The following BRINP3 variants were observed in gnomAD, a reference collection of about 807,000 sequenced individuals.
BRINP3 encodes BMP/retinoic acid inducible neural specific 3.
A neutral mutation model predicts 71.0 loss-of-function variants in BRINP3; 19 were observed. The observed-to-expected ratio is 0.27, with a 90% CI of 0.19 to 0.39. The LOEUF (loss-of-function observed/expected upper bound fraction) is 0.39. Among genes scored for constraint, BRINP3 ranks in the 10% least tolerant of loss-of-function variants. The probability of loss-of-function intolerance (pLI) is 1.00; values close to 1 mark genes in which losing one functional copy is unlikely to be tolerated. For synonymous variants in BRINP3, 380 were observed against 337.7 expected (o/e 1.13, Z -1.37); for missense variants, 959 against 940.8 (o/e 1.02, Z -0.25).
chr1:190,461,125 A>G (rs1027405135), intron 1 of BRINP3, among the ~76,000 whole-genome samples: 3 of 152,306 alleles, frequency 2.0e-5, no homozygotes, highest in Admixed American at 6.5e-5. Flanking sequence ...GTTTCAGGAT[A>G]TCTGATCTCT....
rs563694716 is a variant in BRINP3, at chr1:190,330,555, T to C, written c.237-48805A>G. ...TAGGAATGTACATTAGTTTAGCCAC[T>C]GTGGAAAGCAGTTTGGATAGTTCTC... On this transcript the variant is annotated intron_variant, in intron 2 of 7. Coordinates refer to ENST00000367462, the MANE Select transcript of BRINP3 (RefSeq NM_199051.3). Among the ~76,000 whole-genome samples the C allele has an allele frequency of 2.6e-5, 4 of 152,192 alleles. No homozygotes were observed. In the East Asian group the frequency reaches 7.7e-4, roughly 29 times the overall value.
At chr1:190,278,475 A>C (rs1470355932) in intron 3 of BRINP3, among the ~76,000 whole-genome samples, 1 of 151,724 alleles carries the variant, frequency 6.6e-6, no homozygotes, top group African/African-American at 2.4e-5. Flanking sequence ...GTGTAAGTAC[A>C]ATAGCAATAA....
chr1:190,430,972 A>G (rs1382399721), intron 2 of BRINP3, among the ~76,000 whole-genome samples: 2 of 151,840 alleles, frequency 1.3e-5, no homozygotes, highest in Non-Finnish European at 2.9e-5. Flanking sequence ...TTTTTTACTC[A>G]TCAAGCTTAT....
chr1:190,176,356 A>G (rs1397178392), intron 6 of BRINP3, among the ~76,000 whole-genome samples: 1 of 152,160 alleles, frequency 6.6e-6, no homozygotes, highest in Non-Finnish European at 1.5e-5. Context: ...ACAAAGTTTA[A>G]AAGATGAGTT....
At chr1:190,181,513 G>A (rs1653028376) in intron 6 of BRINP3, among the ~76,000 whole-genome samples, 1 of 151,610 alleles carries the variant, frequency 6.6e-6, no homozygotes, top group African/African-American at 2.4e-5. Context: ...AATTTTACTT[G>A]ATTTACCTGT....
chr1:190,438,608 A>G (rs1272329454), intron 2 of BRINP3, among the ~76,000 whole-genome samples: 2 of 151,892 alleles, frequency 1.3e-5, no homozygotes, highest in Admixed American at 1.3e-4. Context: ...AAGCCACTGG[A>G]TAATTTTCAC....
chr1:190,115,270 A>T (rs2102296909), intron 7 of BRINP3, among the ~76,000 whole-genome samples: 1 of 152,242 alleles, frequency 6.6e-6, no homozygotes, highest in South Asian at 2.1e-4. Context: ...ATTTTCTTAG[A>T]TATACTAAAA....
intron 6 of BRINP3, among the ~76,000 whole-genome samples, chr1:190,173,278 G>A (rs150435687): frequency 1.3e-5 from 2 of 152,180 alleles, no homozygotes; most frequent in African/African-American, 4.8e-5. Context: ...CAACCATCTG[G>A]CCAATGAGAC....
Position 190,477,600 on chromosome 1 carries a change from G to GT in BRINP3, c.-204dup, listed in dbSNP as rs1677578321. On this transcript the variant is annotated 5_prime_UTR_variant, in exon 1 of 8. Coordinates refer to ENST00000367462, the MANE Select transcript of BRINP3 (RefSeq NM_199051.3). ...GCAGTTCCTGGTGGCATGTAACCAA[G>GT]TAAAAACCAGTTACACAGAGAGCCA... 6.6e-6 allele frequency: 1 copy of GT among 151,834 alleles called. No homozygotes were observed. The highest frequency in any genetic ancestry group is 6.6e-5 in the Admixed American group (1 of 15,238). 9.4% of individuals were successfully genotyped at this position (151,834 alleles called of 1,614,324 possible). A position where few individuals can be genotyped will look rare whatever the true frequency, so the allele number is the denominator to read the frequency against.
intron 2 of BRINP3, among the ~76,000 whole-genome samples, chr1:190,398,402 C>T (rs1199696819): frequency 6.6e-6 from 1 of 151,782 alleles, no homozygotes. Flanking sequence ...ATGTAAAATT[C>T]TGAATAACAA....
intron 2 of BRINP3, among the ~76,000 whole-genome samples, chr1:190,403,216 C>G (rs1295589887): frequency 6.6e-6 from 1 of 152,064 alleles, no homozygotes. Context: ...ATTGTATTTG[C>G]CTAGAGACAT....
chr1:190,315,231 G>C (rs1665802673), intron 2 of BRINP3, among the ~76,000 whole-genome samples: 1 of 152,086 alleles, frequency 6.6e-6, no homozygotes. Flanking sequence ...CTGAATTTAA[G>C]ATTAGATGCC....
At chr1:190,372,199 C>T (rs1669914091) in intron 2 of BRINP3, among the ~76,000 whole-genome samples, 1 of 152,142 alleles carries the variant, frequency 6.6e-6, no homozygotes, top group Admixed American at 6.6e-5. Context: ...GAAGGGACCT[C>T]AGACGTCCTT....
chr1:190,259,390 T>C (rs1490508261), intron 4 of BRINP3, among the ~76,000 whole-genome samples: 1 of 151,388 alleles, frequency 6.6e-6, no homozygotes, highest in Non-Finnish European at 1.5e-5. Context: ...AAAATAAAAA[T>C]TACATGCTTA....
At chr1:190,386,860 ATTTG>A (rs1229531247) in intron 2 of BRINP3, among the ~76,000 whole-genome samples, 2 of 152,038 alleles carry the variant, frequency 1.3e-5, no homozygotes, top group South Asian at 2.1e-4. Flanking sequence ...TAGGGTAAAA[ATTTG>A]TTTATTATAT....
At chr1:190,308,401 G>C (rs1024771277) in intron 2 of BRINP3, among the ~76,000 whole-genome samples, 11 of 151,604 alleles carry the variant, frequency 7.3e-5, no homozygotes, top group Non-Finnish European at 1.5e-4. Context: ...ATGGTTTCCA[G>C]CTTCATCCTT....
At chr1:190,251,684 G>A (rs1660153285) in intron 4 of BRINP3, among the ~76,000 whole-genome samples, 1 of 152,032 alleles carries the variant, frequency 6.6e-6, no homozygotes, top group South Asian at 2.1e-4. Context: ...TAATGACTGT[G>A]TAACATCTAC....
chr1:190,404,237 T>C (rs945190503), intron 2 of BRINP3, among the ~76,000 whole-genome samples: 1 of 152,160 alleles, frequency 6.6e-6, no homozygotes, highest in African/African-American at 2.4e-5. Context: ...TAACTCATAC[T>C]ATCAGTACAC....
chr1:190,297,612 C>CT (rs1216852616), intron 2 of BRINP3, among the ~76,000 whole-genome samples: 1 of 151,708 alleles, frequency 6.6e-6, no homozygotes, highest in Admixed American at 6.6e-5. Flanking sequence ...CACCAAATGC[C>CT]TTTTTTCTGG....
Sources: gnomAD v4.1 joint callset for allele counts (sites outside exome capture counted in the v4.1 genomes callset) on GRCh38, gnomAD v4.1.1 for gene constraint, MANE v1.5 for transcripts, NCBI Gene and HGNC (gene_info 2026-07-23, HGNC 2026-07-21) for gene names.